The following PCDH15 variants were observed in gnomAD, a reference collection of about 807,000 sequenced individuals.
The protein encoded by PCDH15 is protocadherin related 15, also known as protocadherin-15.
In PCDH15, 129 loss-of-function variants were observed where a neutral mutation model predicts 178.5. The ratio of observed to expected loss-of-function variants is 0.72; its 90% CI spans 0.63 to 0.84. The LOEUF is 0.84. PCDH15 is among the 40% of genes least tolerant of loss of function. The pLI is 0.00. For synonymous variants in PCDH15, 800 were observed against 732.0 expected (o/e 1.09, Z -1.50); for missense variants, 2,230 against 2,099.9 (o/e 1.06, Z -1.21).
At chr10:55,151,853 C>T (rs1838729470) in intron 2 of PCDH15, among the ~76,000 whole-genome samples, 1 of 151,936 alleles carries the variant, frequency 6.6e-6, no homozygotes, top group Non-Finnish European at 1.5e-5. Flanking sequence ...AGAAATGACA[C>T]ATGTAAATAG....
intron 2 of PCDH15, among the ~76,000 whole-genome samples, chr10:55,121,469 CT>C (rs1456400232): frequency 6.6e-6 from 1 of 151,876 alleles, no homozygotes; most frequent in East Asian, 1.9e-4. Flanking sequence ...TGAGTTAAGA[CT>C]TTTAGGGCTA....
rs111844903 is a variant in PCDH15, at chr10:54,456,789, G to A, written c.157+71023C>T. Among the ~76,000 whole-genome samples the A allele has an allele frequency of 2.5e-3, 383 of 152,166 alleles. 4 individuals are homozygous for A. The highest frequency in any genetic ancestry group is 8.7e-3 in the African/African-American group (362 of 41,526). On this transcript the variant is annotated intron_variant, in intron 3 of 37. Transcript: ENST00000644397. ...GGACACAGTGGGAGGTTATTTAATC[G>A]TGGGGTTGGTTACCCTCGTGTTGTT...
At chr10:54,082,543 A>G (rs1287079818) in intron 16 of PCDH15, among the ~76,000 whole-genome samples, 4 of 152,212 alleles carry the variant, frequency 2.6e-5, no homozygotes, top group Non-Finnish European at 5.9e-5. Context: ...ATCTATACGT[A>G]AAAGAATTAA....
intron 2 of PCDH15, among the ~76,000 whole-genome samples, chr10:54,632,041 G>T (rs1016354524): frequency 6.6e-6 from 1 of 152,008 alleles, no homozygotes; most frequent in East Asian, 1.9e-4. Flanking sequence ...CAACCTAAGT[G>T]TCCATAGATT....
At chr10:55,093,604 G>T (rs935927182) in intron 2 of PCDH15, among the ~76,000 whole-genome samples, 13 of 151,980 alleles carry the variant, frequency 8.6e-5, no homozygotes, top group Non-Finnish European at 1.5e-5. Context: ...TGTTTTTATG[G>T]TTTTAGGTCT....
At chr10:54,600,145 T>G in intron 2 of PCDH15, 2 of 745,500 alleles carry the variant, frequency 2.7e-6, no homozygotes, top group Non-Finnish European at 4.7e-6. Flanking sequence ...GAAAGCTGAG[T>G]CCCTGGTAAA....
chr10:55,069,485 T>C (rs1002443301), intron 2 of PCDH15, among the ~76,000 whole-genome samples: 5 of 133,036 alleles, frequency 3.8e-5, no homozygotes, highest in African/African-American at 5.7e-5. Context: ...TGTCCATGTG[T>C]TCTCATTGTT....
intron 24 of PCDH15, among the ~76,000 whole-genome samples, chr10:53,940,033 C>T (rs1269722852): frequency 2.0e-5 from 3 of 152,074 alleles, no homozygotes; most frequent in Non-Finnish European, 4.4e-5. Context: ...GGCAGCAATA[C>T]CTAGTAATAG....
chr10:54,685,293 C>A (rs1477893838), intron 1 of PCDH15, among the ~76,000 whole-genome samples: 2 of 152,012 alleles, frequency 1.3e-5, no homozygotes, highest in Non-Finnish European at 2.9e-5. Context: ...AGATGAAGTA[C>A]ACTCTAAAAT....
chr10:54,071,849 C>T (rs1296527230), intron 17 of PCDH15, among the ~76,000 whole-genome samples: 1 of 151,990 alleles, frequency 6.6e-6, no homozygotes, highest in Non-Finnish European at 1.5e-5. Context: ...AATTTCTTTT[C>T]TATAGTCAAC....
chr10:53,940,728 G>C (rs1005723030), intron 24 of PCDH15, 138 bp downstream of exon 24: 2 of 706,156 alleles, frequency 2.8e-6, no homozygotes, highest in Non-Finnish European at 5.0e-6. Context: ...CAGGATACAT[G>C]GTTAACAATT....
At chr10:54,775,087 A>G (rs1949545496) in intron 1 of PCDH15, among the ~76,000 whole-genome samples, 1 of 152,212 alleles carries the variant, frequency 6.6e-6, no homozygotes, top group Non-Finnish European at 1.5e-5. Flanking sequence ...TTATGAGGGA[A>G]GTACACAGAT....
intron 28 of PCDH15, among the ~76,000 whole-genome samples, chr10:53,844,228 T>C (rs561225857): frequency 6.6e-6 from 1 of 152,130 alleles, no homozygotes; most frequent in Admixed American, 6.6e-5. Flanking sequence ...TTTTGAATAC[T>C]AAAGTAATAT....
intron 20 of PCDH15, among the ~76,000 whole-genome samples, chr10:54,017,973 T>C (rs2092796021): frequency 6.6e-6 from 1 of 152,172 alleles, no homozygotes; most frequent in African/African-American, 2.4e-5. Context: ...GGTGAAATCT[T>C]TTTTCACATC....
intron 5 of PCDH15, among the ~76,000 whole-genome samples, chr10:54,359,023 AG>A (rs903625895): frequency 2.4e-5 from 2 of 84,430 alleles, no homozygotes; most frequent in Non-Finnish European, 4.5e-5. Flanking sequence ...GGGTGGGGGG[AG>A]GGGGAGGGAT....
At chr10:55,046,574 C>T (rs1034044905) in intron 2 of PCDH15, among the ~76,000 whole-genome samples, 18 of 151,884 alleles carry the variant, frequency 1.2e-4, no homozygotes, top group African/African-American at 4.1e-4. Flanking sequence ...TTAAATGATA[C>T]AGATCTGAGA....
At chr10:54,051,172 C>T (rs947652662) in intron 18 of PCDH15, among the ~76,000 whole-genome samples, 6 of 152,120 alleles carry the variant, frequency 3.9e-5, no homozygotes, top group Non-Finnish European at 8.8e-5. Context: ...TAGTACAGTA[C>T]ATTGGTACCA....
chr10:54,891,849 T>C (rs1954467533), intron 3 of PCDH15, among the ~76,000 whole-genome samples: 1 of 152,060 alleles, frequency 6.6e-6, no homozygotes, highest in South Asian at 2.1e-4. Context: ...AGGATTCAAA[T>C]TCAGACTTCA....
chr10:54,440,869 C>T (rs528199487), intron 3 of PCDH15, among the ~76,000 whole-genome samples: 1 of 151,894 alleles, frequency 6.6e-6, no homozygotes, highest in East Asian at 1.9e-4. Context: ...ATCACAAAAC[C>T]ATTGCCAAAT....
Sources: gnomAD v4.1 joint callset for allele counts (sites outside exome capture counted in the v4.1 genomes callset) on GRCh38, gnomAD v4.1.1 for gene constraint, MANE v1.5 for transcripts, NCBI Gene and HGNC (gene_info 2026-07-23, HGNC 2026-07-21) for gene names.